The following SYTL5 variants were observed in gnomAD, a reference collection of about 807,000 sequenced individuals.
SYTL5 encodes synaptotagmin like 5.
In SYTL5, 34 loss-of-function variants were observed where a neutral mutation model predicts 55.9. That is an observed-to-expected ratio of 0.61 (90% confidence interval 0.46 to 0.81). The LOEUF is 0.81. Ranked by LOEUF, SYTL5 falls within the 30% of genes least tolerant of loss-of-function variation. The probability of loss-of-function intolerance (pLI) is 0.00; values close to 1 mark genes in which losing one functional copy is unlikely to be tolerated. For missense variants in SYTL5, 637 were observed against 546.7 expected (o/e 1.17, Z -1.65); for synonymous variants, 221 against 188.7 (o/e 1.17, Z -1.40).
At chrX:38,110,704 CA>C (rs1284292607) in intron 13 of SYTL5, among the ~76,000 whole-genome samples, 2 of 112,014 alleles carry the variant, frequency 1.8e-5, no homozygotes, top group Non-Finnish European at 3.8e-5. Flanking sequence ...GCTACATAAT[CA>C]TTTTTTTGTT....
intron 1 of SYTL5, among the ~76,000 whole-genome samples, chrX:38,026,722 G>A (rs1473538153): frequency 9.0e-6 from 1 of 111,441 alleles, no homozygotes. Context: ...GTAGCAATGA[G>A]GATGACCAGA....
chrX:37,917,129 A>G, the SYTL5 span, among the ~76,000 whole-genome samples: 2 of 111,304 alleles, frequency 1.8e-5, no homozygotes, highest in Non-Finnish European at 3.8e-5. Context: ...AAGGGTATAT[A>G]CTATCAACAT....
At chrX:38,041,135 A>G (rs1935274855) in intron 2 of SYTL5, among the ~76,000 whole-genome samples, 1 of 111,642 alleles carries the variant, frequency 9.0e-6, no homozygotes, top group Non-Finnish European at 1.9e-5. Flanking sequence ...TTTCAGTGCT[A>G]GGAGAAGAGA....
the SYTL5 span, among the ~76,000 whole-genome samples, chrX:37,897,854 T>A: frequency 4.5e-5 from 5 of 111,470 alleles, no homozygotes; most frequent in Admixed American, 4.7e-4. Context: ...TCCTAACACT[T>A]TGGGAGGCCA....
At chrX:37,936,474 C>T in the SYTL5 span, among the ~76,000 whole-genome samples, 6 of 111,878 alleles carry the variant, frequency 5.4e-5, no homozygotes, top group East Asian at 1.7e-3. Flanking sequence ...TATGATACAG[C>T]TCATATAATT....
the SYTL5 span, among the ~76,000 whole-genome samples, chrX:37,948,287 A>G: frequency 9.0e-6 from 1 of 110,821 alleles, no homozygotes; most frequent in African/African-American, 3.3e-5. Context: ...TTTATTTACT[A>G]GGAATATTAG....
intron 6 of SYTL5, among the ~76,000 whole-genome samples, chrX:38,086,368 A>T (rs1304567617): frequency 8.9e-6 from 1 of 112,296 alleles, no homozygotes; most frequent in Non-Finnish European, 1.9e-5. Flanking sequence ...ATGGAATTAG[A>T]GATAACAAAA....
At chrX:37,948,012 A>G in the SYTL5 span, among the ~76,000 whole-genome samples, 1 of 112,148 alleles carries the variant, frequency 8.9e-6, no homozygotes, top group African/African-American at 3.2e-5. Flanking sequence ...ATTTAAGCCC[A>G]AATACACAGA....
the SYTL5 span, among the ~76,000 whole-genome samples, chrX:38,000,711 C>T: frequency 1.8e-5 from 2 of 112,079 alleles, no homozygotes; most frequent in Non-Finnish European, 3.8e-5. Flanking sequence ...CTGGAAGAAT[C>T]GGATCACACA....
intron 1 of SYTL5, among the ~76,000 whole-genome samples, chrX:38,023,624 C>T (rs1486286515): frequency 2.7e-5 from 3 of 111,658 alleles, no homozygotes; most frequent in Non-Finnish European, 3.8e-5. Flanking sequence ...TAGATATTTT[C>T]CATGTCAATA....
the SYTL5 span, chrX:37,991,334 C>T: frequency 5.0e-6 from 5 of 1,005,739 alleles, no homozygotes; most frequent in Non-Finnish European, 5.3e-6. Flanking sequence ...TGACTCCTCT[C>T]AGTTTCTGTC....
At chrX:38,042,545 A>G (rs73632439) in intron 2 of SYTL5, among the ~76,000 whole-genome samples, 1 of 110,955 alleles carries the variant, frequency 9.0e-6, no homozygotes, top group Admixed American at 9.6e-5. Context: ...TATATTTTTT[A>G]CTCTTCCCCA....
chrX:37,977,700 TCACACA>T, the SYTL5 span, among the ~76,000 whole-genome samples: 3,355 of 82,325 alleles, frequency 0.041, 78 homozygotes, highest in East Asian at 0.078. Context: ...GGACCAATGA[TCACACA>T]CACACACACA....
upstream of SYTL5, among the ~76,000 whole-genome samples, chrX:38,005,765 A>G (rs961073396): frequency 7.2e-5 from 8 of 111,314 alleles, no homozygotes; most frequent in African/African-American, 2.6e-4. Context: ...GAAAGTAATA[A>G]CTCTCTTGGT....
At chrX:38,031,346 T>G (rs73632428) in intron 1 of SYTL5, among the ~76,000 whole-genome samples, 6,025 of 111,341 alleles carry the variant, frequency 0.054, 142 homozygotes, top group African/African-American at 0.079. Context: ...CAGGGCAATT[T>G]TATTTCTCTT....
At chrX:38,052,044 T>G (rs1219855620) in intron 2 of SYTL5, among the ~76,000 whole-genome samples, 1 of 112,062 alleles carries the variant, frequency 8.9e-6, no homozygotes, top group African/African-American at 3.2e-5. Context: ...TTTCTAGAGA[T>G]AACAACTTCC....
At chrX:37,990,952 A>G in the SYTL5 span, 4 of 1,211,984 alleles carry the variant, frequency 3.3e-6, no homozygotes, top group Admixed American at 8.7e-5. Context: ...GTTGTGCAAG[A>G]TGAACGAGAC....
intron 7 of SYTL5, among the ~76,000 whole-genome samples, chrX:38,092,842 A>G: frequency 8.9e-6 from 1 of 111,973 alleles, no homozygotes; most frequent in East Asian, 2.8e-4. Flanking sequence ...ACTATGATGC[A>G]ACCTATTAAT....
At chrX:37,970,709 C>T in the SYTL5 span, among the ~76,000 whole-genome samples, 1 of 111,463 alleles carries the variant, frequency 9.0e-6, no homozygotes, top group Non-Finnish European at 1.9e-5. Flanking sequence ...ATTCTTATAG[C>T]TGTGAGTTTC....
Sources: allele counts gnomAD v4.1 joint callset (sites outside exome capture counted in the v4.1 genomes callset), GRCh38; gene constraint gnomAD v4.1.1; transcripts MANE v1.5; gene names NCBI Gene and HGNC (gene_info 2026-07-23, HGNC 2026-07-21).